The following DDX6 variants were observed in gnomAD, a reference collection of about 807,000 sequenced individuals.
The protein encoded by DDX6 is DEAD-box helicase 6.
A neutral mutation model predicts 60.6 loss-of-function variants in DDX6; 7 were observed. That is an observed-to-expected ratio of 0.12 (90% CI 0.07 to 0.22). The LOEUF (loss-of-function observed/expected upper bound fraction) is 0.22. DDX6 is among the 10% of genes least tolerant of loss of function. The pLI is 1.00. For missense variants in DDX6, 270 were observed against 589.9 expected, an observed-to-expected ratio of 0.46 and a Z score of 5.62; for synonymous variants, 207 against 201.0, an observed-to-expected ratio of 1.03 and a Z score of -0.25.
chr11:118,777,247 G>A (rs535318918), intron 4 of DDX6, among the ~76,000 whole-genome samples: 1 of 151,806 alleles, frequency 6.6e-6, no homozygotes, highest in Admixed American at 6.6e-5. Flanking sequence ...ACACATGTTG[G>A]CTCAATGAAA....
upstream of DDX6, chr11:118,791,671 T>A (rs973261780): frequency 1.3e-5 from 2 of 151,820 alleles, no homozygotes; most frequent in Admixed American, 1.3e-4. Flanking sequence ...AGGGGCCGCG[T>A]CCGAGCCTCT....
chr11:118,758,701 G>C, intron 9 of DDX6, 73 bp downstream of exon 9: 1 of 1,566,748 alleles, frequency 6.4e-7, no homozygotes, highest in East Asian at 2.3e-5. Context: ...GAAGACGGTG[G>C]GAAAATTGAT....
chr11:118,767,467 C>T (rs550523642), intron 5 of DDX6, among the ~76,000 whole-genome samples: 104 of 152,108 alleles, frequency 6.8e-4, no homozygotes, highest in Non-Finnish European at 1.3e-3. Context: ...TTTTTTATTC[C>T]CCACTGCCTA....
At chr11:118,765,155 A>T in intron 6 of DDX6, 54 bp downstream of exon 6, 1 of 1,577,140 alleles carries the variant, frequency 6.3e-7, no homozygotes, top group Non-Finnish European at 8.6e-7. Flanking sequence ...TTACTGAAAT[A>T]CTTGTGACTA....
At position 118,759,039 on chromosome 11, in the gene DDX6, A is replaced by G. The variant is rs1161890823; in HGVS notation, c.865-137T>C. On this transcript the variant is annotated intron_variant, in intron 8 of 13. Coordinates refer to ENST00000534980, the MANE Select transcript of DDX6 (RefSeq NM_004397.6). ...GACGCAACTCTCTTCAAAACAAAAT[A>G]TATGATCTGTCATTACAGAATTTCC... 1.1e-5 allele frequency: 13 copies of G among 1,159,254 alleles called. No individual in the cohort carries two copies. The Admixed American group carries it at 1.2e-4, about 11-fold the overall frequency. 71.8% of individuals were successfully genotyped at this position (1,159,254 alleles called of 1,614,324 possible).
intron 7 of DDX6, among the ~76,000 whole-genome samples, chr11:118,762,001 G>A (rs1264729687): frequency 2.6e-5 from 4 of 151,844 alleles, no homozygotes; most frequent in Admixed American, 1.3e-4. Context: ...CAGGCCGGGC[G>A]TGGTGGCTCA....
At chr11:118,761,256 A>G (rs1861155341) in intron 7 of DDX6, among the ~76,000 whole-genome samples, 1 of 152,232 alleles carries the variant, frequency 6.6e-6, no homozygotes, top group South Asian at 2.1e-4. Context: ...CACAACTCTA[A>G]AATTGTAAAA....
Position 118,779,725 on chromosome 11 carries a change from G to A in DDX6, c.276C>T (p.Ser92=), listed in dbSNP as rs369488366. 9 of 1,606,424 alleles carry A rather than the reference G, an allele frequency of 5.6e-6. No individual in the cohort carries two copies. The highest frequency in any genetic ancestry group is 7.7e-6 in the Non-Finnish European group (9 of 1,175,506). ...DLRIKTSDVT[S]TKGNEFEDYC... is the part of the protein sequence containing the mutation. ...AATCTTCAAACTCATTTCCTTTTGT[G>A]GAGGTCACATCCTAGTCAAACAAAA... The change falls in exon 4 of 14, where the codon TCC becomes TCT. Residue 92 remains serine, a synonymous_variant. Coordinates refer to ENST00000534980, the MANE Select transcript of DDX6 (RefSeq NM_004397.6).
chr11:118,757,388 G>C lies in DDX6; in HGVS notation c.994-101C>G, dbSNP rs578232503. 3.6e-5 allele frequency: 20 copies of C among 552,572 alleles called. No individual in the cohort carries two copies. The East Asian group carries it at 6.1e-4, about 17-fold the overall frequency. The allele number at this position is 552,572 out of a possible 1,614,324, so 34.2% of individuals were successfully genotyped here. On this transcript the variant is annotated intron_variant, in intron 9 of 13. Transcript: ENST00000534980. ...ACCAGCAAAAAAGAAACATTAACAT[G>C]GTCTAAAACTTAGAATCTCATGATA... is the stretch of plus-strand genomic sequence containing the variant.
chr11:118,762,102 G>A (rs1446155984), intron 7 of DDX6, among the ~76,000 whole-genome samples: 3 of 151,570 alleles, frequency 2.0e-5, no homozygotes, highest in Non-Finnish European at 4.4e-5. Context: ...TTGCAAAACC[G>A]CGCCTCTACT....
intron 2 of DDX6, among the ~76,000 whole-genome samples, chr11:118,785,395 G>A (rs1479483776): frequency 6.6e-6 from 1 of 151,688 alleles, no homozygotes; most frequent in Non-Finnish European, 1.5e-5. Flanking sequence ...GGTAGAGACA[G>A]AGTCTCATTA....
At chr11:118,783,881 C>G (rs1170239733) in intron 2 of DDX6, among the ~76,000 whole-genome samples, 2 of 148,916 alleles carry the variant, frequency 1.3e-5, no homozygotes, top group African/African-American at 4.9e-5. Context: ...TGTGAGAGGT[C>G]GAGGTGGGCA....
At chr11:118,764,600 C>T (rs1861286446) in intron 6 of DDX6, among the ~76,000 whole-genome samples, 1 of 151,954 alleles carries the variant, frequency 6.6e-6, no homozygotes, top group African/African-American at 2.4e-5. Context: ...GTCAGGAGAT[C>T]GAGACCATCC....
intron 4 of DDX6, among the ~76,000 whole-genome samples, chr11:118,777,144 A>G (rs78626223): frequency 0.028 from 4,282 of 152,194 alleles, 208 homozygotes; most frequent in African/African-American, 0.098. Flanking sequence ...TACCTGTACA[A>G]TTAGCTGTCC....
intron 9 of DDX6, among the ~76,000 whole-genome samples, chr11:118,757,960 A>AGGG (rs1306340030): frequency 6.6e-6 from 1 of 152,174 alleles, no homozygotes; most frequent in East Asian, 1.9e-4. Context: ...CACCATGTGT[A>AGGG]GGGGCCAATT....
intron 2 of DDX6, among the ~76,000 whole-genome samples, chr11:118,785,486 A>C (rs571893378): frequency 6.6e-6 from 1 of 151,994 alleles, no homozygotes; most frequent in Non-Finnish European, 1.5e-5. Context: ...GATTACAGGC[A>C]TGAGTCACCT....
intron 4 of DDX6, among the ~76,000 whole-genome samples, chr11:118,769,999 C>T (rs957764948): frequency 4.0e-5 from 6 of 150,392 alleles, no homozygotes; most frequent in African/African-American, 1.2e-4. Context: ...TGAGCCAGCG[C>T]GCCGGGCCAT....
At chr11:118,785,512 T>TC (rs1460613320) in intron 2 of DDX6, among the ~76,000 whole-genome samples, 1 of 151,970 alleles carries the variant, frequency 6.6e-6, no homozygotes, top group African/African-American at 2.4e-5. Context: ...AGCCAACTTT[T>TC]TTTTTTTTTT....
At chr11:118,782,796 C>G (rs1454450942) in intron 2 of DDX6, among the ~76,000 whole-genome samples, 2 of 152,070 alleles carry the variant, frequency 1.3e-5, no homozygotes, top group Non-Finnish European at 2.9e-5. Context: ...AGGAGCTTGC[C>G]ACTACACCTG....
Sources: gnomAD v4.1 joint callset for allele counts (sites outside exome capture counted in the v4.1 genomes callset) on GRCh38, gnomAD v4.1.1 for gene constraint, MANE v1.5 for transcripts, NCBI Gene and HGNC (gene_info 2026-07-23, HGNC 2026-07-21) for gene names.